The following PRKCB variants were observed in gnomAD, a reference collection of about 807,000 sequenced individuals.
PRKCB encodes the protein protein kinase C beta.
PRKCB carries 13 observed loss-of-function variants against 81.5 expected under a neutral mutation model. The observed-to-expected ratio is 0.16, with a 90% CI of 0.10 to 0.25. PRKCB has a LOEUF of 0.25. Ranked by LOEUF, PRKCB falls within the 10% of genes least tolerant of loss-of-function variation. PRKCB has a pLI of 1.00. For synonymous variants in PRKCB, 335 were observed against 321.4 expected (o/e 1.04, Z -0.45); for missense variants, 509 against 875.7 (o/e 0.58, Z 5.29).
chr16:24,174,445 T>G, intron 11 of PRKCB, 73 bp from the exon 12 acceptor site: 1 of 1,354,696 alleles, frequency 7.4e-7, no homozygotes, highest in Non-Finnish European at 1.0e-6. Context: ...AATATTGTAT[T>G]GAATTCTGAG....
intron 2 of PRKCB, among the ~76,000 whole-genome samples, chr16:23,947,392 C>T (rs1964216814): frequency 6.6e-6 from 1 of 152,216 alleles, no homozygotes. Context: ...CTCCTCTCCT[C>T]ATTCTCCTTG....
At chr16:24,128,736 G>T (rs1030681050) in intron 9 of PRKCB, among the ~76,000 whole-genome samples, 1 of 152,146 alleles carries the variant, frequency 6.6e-6, no homozygotes, top group Non-Finnish European at 1.5e-5. Context: ...GATACAGAGG[G>T]TACATGCGCA....
At position 23,980,798 on chromosome 16, in the gene PRKCB, AAT is replaced by A. The variant is rs143162594; in HGVS notation, c.206-7695_206-7694del. Among the ~76,000 whole-genome samples the A allele has an allele frequency of 8.1e-4, 120 of 148,472 alleles. 4 individuals are homozygous for A. Among genetic ancestry groups the A allele is most frequent in the African/African-American group, 2.4e-3 (95 of 39,850 alleles). ...CAAGAGGGGAATCGACTCCAAACAG[AAT>A]ATATATATATATATGATTTAATTTA... On this transcript the variant is annotated intron_variant, in intron 2 of 16. Coordinates refer to ENST00000643927, the MANE Select transcript of PRKCB (RefSeq NM_002738.7).
chr16:24,016,689 T>C (rs1373389785), intron 3 of PRKCB, among the ~76,000 whole-genome samples: 1 of 151,818 alleles, frequency 6.6e-6, no homozygotes, highest in Non-Finnish European at 1.5e-5. Flanking sequence ...GGGGAAAAAA[T>C]CTTTTCTGGA....
chr16:24,165,791 TTAAG>T (rs1356435794), intron 10 of PRKCB, among the ~76,000 whole-genome samples: 1 of 152,116 alleles, frequency 6.6e-6, no homozygotes, highest in African/African-American at 2.4e-5. Context: ...TAAGTTTTTT[TTAAG>T]TGAGTTAATA....
At chr16:24,078,910 A>C (rs779865704) in intron 5 of PRKCB, among the ~76,000 whole-genome samples, 1 of 152,168 alleles carries the variant, frequency 6.6e-6, no homozygotes, top group Non-Finnish European at 1.5e-5. Context: ...CAAGATTTCA[A>C]AGCTTCTGGG....
chr16:23,983,095 G>A (rs1260143908), intron 2 of PRKCB, among the ~76,000 whole-genome samples: 1 of 149,290 alleles, frequency 6.7e-6, no homozygotes, highest in Non-Finnish European at 1.5e-5. Context: ...CAGTAGCTCA[G>A]TAAATGTTGC....
At chr16:24,118,505 G>C (rs369941393) in intron 8 of PRKCB, among the ~76,000 whole-genome samples, 1 of 152,326 alleles carries the variant, frequency 6.6e-6, no homozygotes, top group African/African-American at 2.4e-5. Context: ...AGCTGGGAGT[G>C]CCTGTAGTAG....
chr16:24,094,774 A>AAG (rs771997919), intron 7 of PRKCB, among the ~76,000 whole-genome samples: 3 of 148,496 alleles, frequency 2.0e-5, no homozygotes, highest in Middle Eastern at 3.4e-3. Context: ...ATAAAAAAGA[A>AAG]AGAGAGAGAG....
chr16:23,986,332 C>T (rs998473250), intron 2 of PRKCB, among the ~76,000 whole-genome samples: 1 of 152,174 alleles, frequency 6.6e-6, no homozygotes, highest in African/African-American at 2.4e-5. Context: ...TGGCTCACTG[C>T]AGCCCCAACT....
intron 3 of PRKCB, among the ~76,000 whole-genome samples, chr16:24,006,568 A>C (rs1339131361): frequency 6.6e-6 from 1 of 152,218 alleles, no homozygotes; most frequent in African/African-American, 2.4e-5. Flanking sequence ...TGGTTAACAT[A>C]AGTTGGAAAG....
intron 10 of PRKCB, among the ~76,000 whole-genome samples, chr16:24,158,976 G>A (rs959045272): frequency 6.6e-6 from 1 of 152,072 alleles, no homozygotes; most frequent in Non-Finnish European, 1.5e-5. Flanking sequence ...TCTTTTGAGT[G>A]TGGATCACCC....
chr16:24,012,553 T>C (rs1965217731), intron 3 of PRKCB, among the ~76,000 whole-genome samples: 1 of 152,254 alleles, frequency 6.6e-6, no homozygotes, highest in South Asian at 2.1e-4. Context: ...AAAAACCAAA[T>C]GTGATCATGT....
chr16:23,970,387 G>A (rs1445270266), intron 2 of PRKCB, among the ~76,000 whole-genome samples: 1 of 152,194 alleles, frequency 6.6e-6, no homozygotes, highest in Non-Finnish European at 1.5e-5. Context: ...ATTCTGCAGG[G>A]GAAAGCACCT....
intron 5 of PRKCB, among the ~76,000 whole-genome samples, chr16:24,083,760 G>C (rs1966278440): frequency 2.0e-5 from 3 of 152,092 alleles, no homozygotes; most frequent in African/African-American, 7.2e-5. Flanking sequence ...ATTGTGTGAT[G>C]GTTACGTGAA....
rs1455603673 is a variant in PRKCB, at chr16:24,216,052, G to A, written c.*1236G>A. On this transcript the variant is annotated 3_prime_UTR_variant, in exon 17 of 17. Coordinates refer to ENST00000643927, the MANE Select transcript of PRKCB (RefSeq NM_002738.7). ...AGGAAAACTGCTCTTTTTGAGAAAC[G>A]TGGACCTAAACTACAAAGTGGGAAC... The A allele has an allele frequency of 6.1e-6, 6 of 984,908 alleles. No individual in the cohort carries two copies. Among genetic ancestry groups the A allele is most frequent in the East Asian group, 2.3e-4 (2 of 8,818 alleles). The allele number at this position is 984,908 out of a possible 1,614,324, so 61.0% of individuals were successfully genotyped here.
chr16:23,922,827 A>G (rs1163131187), intron 2 of PRKCB, among the ~76,000 whole-genome samples: 3 of 150,272 alleles, frequency 2.0e-5, no homozygotes, highest in Non-Finnish European at 4.5e-5. Flanking sequence ...TTATGGCTTC[A>G]TGGGTAGAAT....
chr16:24,161,944 C>G (rs952166409), intron 10 of PRKCB, among the ~76,000 whole-genome samples: 1 of 152,172 alleles, frequency 6.6e-6, no homozygotes, highest in Non-Finnish European at 1.5e-5. Flanking sequence ...CATGCAATTT[C>G]CCAACTGCCA....
chr16:24,219,785 C>A lies in PRKCB; in HGVS notation c.*4969C>A. ...TTCCACCACATTTCTATCCCCAAGC[C>A]AACATACAATGTGAAATGAAAGCCA... On this transcript the variant is annotated 3_prime_UTR_variant, in exon 17 of 17. Transcript: ENST00000643927. 7.1e-7 allele frequency: 1 copy of A among 1,407,780 alleles called. No homozygotes were observed. The highest frequency in any genetic ancestry group is 9.2e-7 in the Non-Finnish European group (1 of 1,083,002). The allele number at this position is 1,407,780 out of a possible 1,614,324, so 87.2% of individuals were successfully genotyped here.
Sources: allele counts gnomAD v4.1 joint callset (sites outside exome capture counted in the v4.1 genomes callset), GRCh38; gene constraint gnomAD v4.1.1; transcripts MANE v1.5; gene names NCBI Gene and HGNC (gene_info 2026-07-23, HGNC 2026-07-21).